The following PHAX variants were observed in gnomAD, a reference collection of about 807,000 sequenced individuals.
PHAX encodes the protein phosphorylated adaptor for RNA export.
Under a neutral mutation model 41.6 loss-of-function variants are expected in PHAX, and 31 were observed. The observed-to-expected ratio is 0.75, with a 90% CI of 0.56 to 1.01. The LOEUF (loss-of-function observed/expected upper bound fraction) is 1.01. PHAX is among the 50% of genes least tolerant of loss of function. The pLI, the probability that PHAX is intolerant of heterozygous loss-of-function variation, is 0.00. For missense variants in PHAX, 453 were observed against 472.9 expected, an observed-to-expected ratio of 0.96 and a Z score of 0.39; for synonymous variants, 175 against 164.9, an observed-to-expected ratio of 1.06 and a Z score of -0.47.
intron 3 of PHAX, among the ~76,000 whole-genome samples, chr5:126,611,104 G>A (rs1392616102): frequency 1.3e-5 from 2 of 150,116 alleles, no homozygotes; most frequent in Admixed American, 6.7e-5. Context: ...TGCCCAGGCT[G>A]GAGTCCAATG....
At chr5:126,623,554 A>G (rs1376825221) in intron 4 of PHAX, among the ~76,000 whole-genome samples, 1 of 152,120 alleles carries the variant, frequency 6.6e-6, no homozygotes, top group Non-Finnish European at 1.5e-5. Context: ...TTTCTCACGT[A>G]TGTACCCTCC....
At chr5:126,611,818 A>G (rs1374131123) in intron 3 of PHAX, among the ~76,000 whole-genome samples, 2 of 151,810 alleles carry the variant, frequency 1.3e-5, no homozygotes, top group Non-Finnish European at 2.9e-5. Flanking sequence ...GATACATCCT[A>G]TGGGAAAAGA....
At chr5:126,603,221 C>CT (rs1156784156) in intron 1 of PHAX, among the ~76,000 whole-genome samples, 1 of 142,686 alleles carries the variant, frequency 7.0e-6, no homozygotes, top group Non-Finnish European at 1.5e-5. Context: ...CAGAACAAAA[C>CT]TTTGTCTCAA....
chr5:126,624,874 CT>C lies in PHAX; in HGVS notation c.*33del, dbSNP rs1192435027. 1 of 1,562,556 alleles carries C rather than the reference CT, an allele frequency of 6.4e-7. No individual in the cohort carries two copies. Among genetic ancestry groups the C allele is most frequent in the Admixed American group, 2.1e-5 (1 of 48,466 alleles). ...ATTTTCAACAGTTTGAGGACTAAGC[CT>C]TTCTAAAATAACATTGTAATAAACC... On this transcript the variant is annotated 3_prime_UTR_variant, in exon 5 of 5. Transcript: ENST00000297540.
Position 126,608,361 on chromosome 5 carries a change from C to T in PHAX, c.711-3C>T, listed in dbSNP as rs775625885. 1 of 1,611,558 alleles carries T rather than the reference C, an allele frequency of 6.2e-7. No homozygotes were observed. The highest frequency in any genetic ancestry group is 8.5e-7 in the Non-Finnish European group (1 of 1,178,994). Reference sequence around the variant, plus strand: ...GAGGATAATTTTACTTGTTTCTCATCAGGTTACAGGAACCAAAGAAAGACC... The same window carrying T: ...GAGGATAATTTTACTTGTTTCTCATTAGGTTACAGGAACCAAAGAAAGACC... On this transcript the variant is annotated splice_region_variant and splice_polypyrimidine_tract_variant and intron_variant, in intron 2 of 4. Transcript: ENST00000297540.
At chr5:126,615,035 G>A (rs911809323) in intron 3 of PHAX, among the ~76,000 whole-genome samples, 2 of 151,916 alleles carry the variant, frequency 1.3e-5, no homozygotes, top group African/African-American at 4.8e-5. Flanking sequence ...ACAGGCGTGA[G>A]CCACCGTACC....
intron 1 of PHAX, among the ~76,000 whole-genome samples, chr5:126,601,314 A>G (rs964164844): frequency 2.0e-5 from 3 of 152,170 alleles, no homozygotes; most frequent in African/African-American, 7.2e-5. Context: ...CGAACCCCGA[A>G]CTGGCTGCTC....
At position 126,626,764 on chromosome 5, in the gene PHAX, A is replaced by G. The variant is rs1752361621; in HGVS notation, c.*1920A>G. On this transcript the variant is annotated 3_prime_UTR_variant, in exon 5 of 5. Coordinates refer to ENST00000297540, the MANE Select transcript of PHAX (RefSeq NM_032177.4). ...AAAAAAAAAAAAAATACAAAAAATT[A>G]GCCGGGCATTGTGGTGCATGCCTGT... 6.7e-6 allele frequency: 1 copy of G among 149,548 alleles called. No individual in the cohort carries two copies. The highest frequency in any genetic ancestry group is 2.5e-5 in the African/African-American group (1 of 40,506). The allele number at this position is 149,548 out of a possible 1,614,324, so 9.3% of individuals were successfully genotyped here. A position where few individuals can be genotyped will look rare whatever the true frequency, so the allele number is the denominator to read the frequency against.
intron 4 of PHAX, among the ~76,000 whole-genome samples, chr5:126,618,805 T>C (rs1206791301): frequency 6.6e-6 from 1 of 152,126 alleles, no homozygotes; most frequent in Non-Finnish European, 1.5e-5. Flanking sequence ...ATTACAGGCT[T>C]GCGCCACCAC....
chr5:126,626,717 CAG>C lies in PHAX; in HGVS notation c.*1876_*1877del, dbSNP rs1160107151. On this transcript the variant is annotated 3_prime_UTR_variant, in exon 5 of 5. Coordinates refer to ENST00000297540, the MANE Select transcript of PHAX (RefSeq NM_032177.4). ...ACGCCACTGCACTCCAGCCTGGCGA[CAG>C]AGCGAGACTCCCTCTCAAAAAAAAA... The C allele has an allele frequency of 8.3e-6, 1 of 120,376 alleles. No homozygotes were observed. Among genetic ancestry groups the C allele is most frequent in the African/African-American group, 3.4e-5 (1 of 29,406 alleles). The allele number at this position is 120,376 out of a possible 1,614,324, so 7.5% of individuals were successfully genotyped here.
intron 3 of PHAX, among the ~76,000 whole-genome samples, chr5:126,615,624 G>A (rs530259149): frequency 3.6e-4 from 54 of 151,590 alleles, no homozygotes; most frequent in Non-Finnish European, 5.7e-4. Flanking sequence ...TGTGACATGC[G>A]TTAGAGAGAA....
intron 3 of PHAX, among the ~76,000 whole-genome samples, chr5:126,614,766 AT>A (rs1290249371): frequency 6.6e-6 from 1 of 151,234 alleles, no homozygotes. Flanking sequence ...AACACCCATT[AT>A]TTTTTTTGAG....
At chr5:126,604,671 G>A (rs1340518809) in intron 2 of PHAX, among the ~76,000 whole-genome samples, 1 of 151,892 alleles carries the variant, frequency 6.6e-6, no homozygotes, top group Non-Finnish European at 1.5e-5. Flanking sequence ...TGGGCTGAAA[G>A]GATCCTTCCA....
intron 3 of PHAX, among the ~76,000 whole-genome samples, chr5:126,612,284 AGTAGGATATAAGG>A (rs1168894133): frequency 6.6e-6 from 1 of 152,188 alleles, no homozygotes; most frequent in Non-Finnish European, 1.5e-5. Context: ...TGAGAGAGTG[AGTAGGATATAAGG>A]TCAGAGAGAT....
intron 4 of PHAX, among the ~76,000 whole-genome samples, chr5:126,620,309 A>G (rs867610122): frequency 1.7e-4 from 26 of 152,366 alleles, no homozygotes; most frequent in African/African-American, 6.3e-4. Context: ...CCTCTCACCC[A>G]AAGTAATTCT....
chr5:126,603,440 T>C, intron 1 of PHAX, 130 bp from the exon 2 acceptor site: 1 of 975,172 alleles, frequency 1.0e-6, no homozygotes, highest in Admixed American at 2.5e-5. Flanking sequence ...GGAACTTGAT[T>C]GGTCTCAGAT....
In PHAX at chr5:126,626,178, G is replaced by C. The variant is rs912687289; in HGVS notation, c.*1334G>C. On this transcript the variant is annotated 3_prime_UTR_variant, in exon 5 of 5. Transcript: ENST00000297540. ...GAAGATTGCTTGAGCCCAGGAGTTT[G>C]AGACCAATCTAGGCAATGTAGTGAG... is the stretch of plus-strand genomic sequence containing the variant. 3 of 152,118 alleles carry C rather than the reference G, an allele frequency of 2.0e-5. No homozygotes were observed. The highest frequency in any genetic ancestry group is 7.2e-5 in the African/African-American group (3 of 41,390). The allele number at this position is 152,118 out of a possible 1,614,324, so 9.4% of individuals were successfully genotyped here.
intron 2 of PHAX, among the ~76,000 whole-genome samples, chr5:126,604,423 C>T (rs1751958641): frequency 6.6e-6 from 1 of 151,724 alleles, no homozygotes; most frequent in Admixed American, 6.6e-5. Flanking sequence ...CACCCCCACG[C>T]CCAGCTATTC....
chr5:126,601,964 G>A (rs1465501028), intron 1 of PHAX, among the ~76,000 whole-genome samples: 3 of 152,130 alleles, frequency 2.0e-5, no homozygotes, highest in African/African-American at 2.4e-5. Context: ...ACGGCGCCCG[G>A]CCACATCCAG....
Sources: allele counts gnomAD v4.1 joint callset (sites outside exome capture counted in the v4.1 genomes callset), GRCh38; gene constraint gnomAD v4.1.1; transcripts MANE v1.5; gene names NCBI Gene and HGNC (gene_info 2026-07-23, HGNC 2026-07-21).